CCSER1: variants seen among roughly 807,000 people sequenced by gnomAD.
CCSER1 encodes the protein serine-rich coiled-coil domain-containing protein 1.
CCSER1 carries 41 observed loss-of-function variants against 82.0 expected under a neutral mutation model. The observed-to-expected ratio is 0.50, with a 90% CI of 0.39 to 0.65. The LOEUF (loss-of-function observed/expected upper bound fraction) is 0.65. Among genes scored for constraint, CCSER1 ranks in the 30% least tolerant of loss-of-function variants. The pLI is 0.00. For missense variants in CCSER1, 1,119 were observed against 1,064.2 expected (o/e 1.05, Z -0.72); for synonymous variants, 414 against 383.9 (o/e 1.08, Z -0.92).
At chr4:91,199,227 G>C (rs1581756938) in intron 10 of CCSER1, among the ~76,000 whole-genome samples, 1 of 152,016 alleles carries the variant, frequency 6.6e-6, no homozygotes, top group Non-Finnish European at 1.5e-5. Flanking sequence ...GAAAATGAAA[G>C]TCGCATAGAT....
At chr4:90,368,908 G>A (rs1746816422) in intron 3 of CCSER1, among the ~76,000 whole-genome samples, 1 of 151,828 alleles carries the variant, frequency 6.6e-6, no homozygotes, top group African/African-American at 2.4e-5. Flanking sequence ...GTTGCTGTCT[G>A]TGTCAGAAAG....
intron 5 of CCSER1, among the ~76,000 whole-genome samples, chr4:90,558,458 C>CTGCT (rs1277790311): frequency 1.3e-5 from 2 of 152,004 alleles, no homozygotes; most frequent in Non-Finnish European, 2.9e-5. Flanking sequence ...TTGGTCTCAT[C>CTGCT]TGCTTGCTAC....
intron 10 of CCSER1, among the ~76,000 whole-genome samples, chr4:91,152,888 G>A (rs907932655): frequency 2.6e-5 from 4 of 151,532 alleles, no homozygotes; most frequent in African/African-American, 9.7e-5. Context: ...CGAGGGATCC[G>A]CTGTTAGGCT....
chr4:91,408,698 T>A (rs906735038), intron 10 of CCSER1, among the ~76,000 whole-genome samples: 1 of 152,236 alleles, frequency 6.6e-6, no homozygotes, highest in Non-Finnish European at 1.5e-5. Context: ...AGGTGCTTTA[T>A]AATTTCCACA....
chr4:90,765,003 C>G (rs1312528604), intron 7 of CCSER1, among the ~76,000 whole-genome samples: 2 of 152,044 alleles, frequency 1.3e-5, no homozygotes, highest in African/African-American at 4.8e-5. Context: ...GTGGCCTATG[C>G]TCATTTCTTT....
intron 10 of CCSER1, among the ~76,000 whole-genome samples, chr4:91,174,811 G>A (rs1733140099): frequency 9.3e-6 from 1 of 107,172 alleles, no homozygotes; most frequent in African/African-American, 3.3e-5. Context: ...AGTTTTCTTT[G>A]TTTTTCTTTT....
chr4:90,302,006 G>A (rs1733234280), intron 1 of CCSER1, among the ~76,000 whole-genome samples: 1 of 152,044 alleles, frequency 6.6e-6, no homozygotes, highest in African/African-American at 2.4e-5. Context: ...TTACAGTTTG[G>A]AAGACTTTTA....
chr4:91,150,748 T>C (rs974676028), intron 10 of CCSER1, among the ~76,000 whole-genome samples: 1 of 152,182 alleles, frequency 6.6e-6, no homozygotes, highest in African/African-American at 2.4e-5. Context: ...TTGTCTTTGG[T>C]TCTGTTTATA....
chr4:91,236,263 G>A (rs1403323702), intron 10 of CCSER1, among the ~76,000 whole-genome samples: 6 of 152,240 alleles, frequency 3.9e-5, no homozygotes, highest in Middle Eastern at 6.8e-3. Context: ...CGAGGCAGGT[G>A]GATCATGAGG....
chr4:90,202,068 T>C (rs1737809085), intron 1 of CCSER1, among the ~76,000 whole-genome samples: 1 of 152,292 alleles, frequency 6.6e-6, no homozygotes, highest in South Asian at 2.1e-4. Context: ...TTAAGTATAA[T>C]AGTAATCTTT....
intron 9 of CCSER1, among the ~76,000 whole-genome samples, chr4:90,927,000 T>C (rs1338597992): frequency 2.0e-5 from 3 of 152,054 alleles, no homozygotes; most frequent in Non-Finnish European, 4.4e-5. Flanking sequence ...TGTCTGTAAA[T>C]ATTTTATAGC....
chr4:90,963,311 G>A (rs1482436666), intron 9 of CCSER1, among the ~76,000 whole-genome samples: 1 of 152,112 alleles, frequency 6.6e-6, no homozygotes, highest in African/African-American at 2.4e-5. Flanking sequence ...CTTAACAGCA[G>A]AGTCTATGAA....
rs555613945 is a variant in CCSER1, at chr4:90,157,440, G to T, written c.-42+29609G>T. ...TGGCCTGCCTTGCTAGATTGGGGAA[G>T]TTCTCCTGGATAATATCCTGAAGAG... On this transcript the variant is annotated intron_variant, in intron 1 of 10. Transcript: ENST00000509176. Among the ~76,000 whole-genome samples, 169 of 135,178 alleles carry T rather than the reference G, an allele frequency of 1.3e-3. 1 individual carries two copies. The highest frequency in any genetic ancestry group is 4.0e-3 in the African/African-American group (162 of 40,910). 88.7% of individuals were successfully genotyped at this position (135,178 alleles called of 152,430 possible).
At chr4:91,064,827 A>T (rs1287397543) in intron 9 of CCSER1, among the ~76,000 whole-genome samples, 1 of 151,702 alleles carries the variant, frequency 6.6e-6, no homozygotes, top group African/African-American at 2.4e-5. Flanking sequence ...TTCCAGGGAC[A>T]ATACGTAGGG....
At chr4:90,940,377 T>C (rs936253452) in intron 9 of CCSER1, among the ~76,000 whole-genome samples, 34 of 152,054 alleles carry the variant, frequency 2.2e-4, no homozygotes, top group African/African-American at 7.5e-4. Flanking sequence ...ATTCTAAATA[T>C]ACATCAGTAA....
intron 10 of CCSER1, among the ~76,000 whole-genome samples, chr4:91,316,148 C>A: frequency 6.6e-6 from 1 of 152,006 alleles, no homozygotes; most frequent in East Asian, 1.9e-4. Context: ...GAGGCCTCCC[C>A]AGCCATATGG....
intron 7 of CCSER1, among the ~76,000 whole-genome samples, chr4:90,812,528 C>T (rs1758484787): frequency 6.6e-6 from 1 of 152,100 alleles, no homozygotes. Context: ...ACAGGGACAT[C>T]ACTAAAGATG....
chr4:91,459,384 T>C (rs1756375180), intron 10 of CCSER1, among the ~76,000 whole-genome samples: 1 of 152,092 alleles, frequency 6.6e-6, no homozygotes, highest in Admixed American at 6.6e-5. Flanking sequence ...TGAGTGTTTC[T>C]GGGAGCAGAT....
chr4:91,023,293 T>G (rs1384723885), intron 9 of CCSER1, among the ~76,000 whole-genome samples: 1 of 152,088 alleles, frequency 6.6e-6, no homozygotes, highest in Admixed American at 6.6e-5. Context: ...CTTCACAGAA[T>G]TGGAAAAAAC....
Sources: gnomAD v4.1 joint callset for allele counts (sites outside exome capture counted in the v4.1 genomes callset) on GRCh38, gnomAD v4.1.1 for gene constraint, MANE v1.5 for transcripts, NCBI Gene and HGNC (gene_info 2026-07-23, HGNC 2026-07-21) for gene names.